The following DNAH10 variants were observed in gnomAD, a reference collection of about 807,000 sequenced individuals.
The protein encoded by DNAH10 is dynein axonemal heavy chain 10.
In DNAH10, 348 loss-of-function variants were observed where a neutral mutation model predicts 506.6. The ratio of observed to expected loss-of-function variants is 0.69; its 90% CI spans 0.63 to 0.75. The LOEUF is 0.75. Among genes scored for constraint, DNAH10 ranks in the 30% least tolerant of loss-of-function variants. The probability of loss-of-function intolerance (pLI) is 0.00; values close to 1 mark genes in which losing one functional copy is unlikely to be tolerated. For missense variants in DNAH10, 5,179 were observed against 5,787.1 expected, an observed-to-expected ratio of 0.89 and a Z score of 3.41; for synonymous variants, 2,059 against 2,198.6, an observed-to-expected ratio of 0.94 and a Z score of 1.78.
intron 2 of DNAH10, among the ~76,000 whole-genome samples, chr12:123,769,135 T>G (rs1484796533): frequency 6.6e-6 from 1 of 152,096 alleles, no homozygotes; most frequent in African/African-American, 2.4e-5. Flanking sequence ...TGAGTAAGCC[T>G]TGTTTAAAGT....
intron 41 of DNAH10, among the ~76,000 whole-genome samples, chr12:123,867,263 C>T (rs909662047): frequency 6.6e-6 from 1 of 152,176 alleles, no homozygotes; most frequent in Non-Finnish European, 1.5e-5. Context: ...CGAAATGAAA[C>T]ACTTCATGAT....
Position 123,853,856 on chromosome 12 carries a change from ACG to A in DNAH10, c.6438+508_6438+509del, listed in dbSNP as rs373166363. Among the ~76,000 whole-genome samples, 79 of 133,952 alleles carry A rather than the reference ACG, an allele frequency of 5.9e-4. No individual in the cohort carries two copies. Among genetic ancestry groups the A allele is most frequent in the African/African-American group, 1.8e-3 (68 of 37,806 alleles). 87.9% of individuals were successfully genotyped at this position (133,952 alleles called of 152,430 possible). ...CACACGCACACGCACGGACACACGC[ACG>A]CGCACACACACACGGATACATGCAC... On this transcript the variant is annotated intron_variant, in intron 36 of 78. Transcript: ENST00000673944. The surrounding 1 kb of genome is among the most constrained non-coding windows in gnomAD (Gnocchi z 4.7).
chr12:123,807,131 T>TCATC (rs1037747667), intron 18 of DNAH10, among the ~76,000 whole-genome samples: 3 of 151,882 alleles, frequency 2.0e-5, no homozygotes, highest in Admixed American at 6.6e-5. Context: ...CATCCATCCA[T>TCATC]CATCCATCCA....
At chr12:123,773,214 G>T (rs1432235707) in intron 4 of DNAH10, among the ~76,000 whole-genome samples, 3 of 152,214 alleles carry the variant, frequency 2.0e-5, no homozygotes, top group African/African-American at 7.2e-5. Context: ...TGAAATAATG[G>T]CTTCAGTGGG....
At position 123,781,304 on chromosome 12, in the gene DNAH10, G is replaced by C. The variant is rs771789266; in HGVS notation, c.841+5G>C. 1 of 1,606,490 alleles carries C rather than the reference G, an allele frequency of 6.2e-7. No individual in the cohort carries two copies. The highest frequency in any genetic ancestry group is 1.1e-5 in the South Asian group (1 of 90,226). ...GAACCATGCAGCAACTTGAAGGTAA[G>C]GTTTCATTTTCCTCCTTTTTAGTTA... is the stretch of plus-strand genomic sequence containing the variant. On this transcript the variant is annotated splice_donor_5th_base_variant and intron_variant, in intron 6 of 78. Transcript: ENST00000673944.
rs764727037 is a variant in DNAH10, at chr12:123,785,715, C to T, written c.1231-31C>T. The T allele has an allele frequency of 6.5e-7, 1 of 1,530,044 alleles. No homozygotes were observed. The highest frequency in any genetic ancestry group is 1.4e-5 in the African/African-American group (1 of 73,094). 94.8% of individuals were successfully genotyped at this position (1,530,044 alleles called of 1,614,324 possible). Reference sequence around the variant, plus strand: ...ACTATTTGGACCCCAAGGCTAAGGGCTCTTGCGTGGCTCTCTCCTCTCTTG... The same window carrying T: ...ACTATTTGGACCCCAAGGCTAAGGGTTCTTGCGTGGCTCTCTCCTCTCTTG... On this transcript the variant is annotated intron_variant, in intron 8 of 78. Transcript: ENST00000673944. This position sits in a 1 kb window ranked among gnomAD's most constrained non-coding sequence, Gnocchi z 4.1.
At chr12:123,858,395 G>A (rs1204417487) in intron 37 of DNAH10, among the ~76,000 whole-genome samples, 1 of 152,184 alleles carries the variant, frequency 6.6e-6, no homozygotes, top group Admixed American at 6.5e-5. Flanking sequence ...AGTGGGCACC[G>A]GGTACCGGCC....
intron 40 of DNAH10, 112 bp from the exon 41 acceptor site, chr12:123,865,839 T>C (rs1951782500): frequency 9.2e-7 from 1 of 1,084,614 alleles, no homozygotes; most frequent in Non-Finnish European, 1.3e-6. Flanking sequence ...TTGATTTTGG[T>C]ATTATTTGGA....
intron 5 of DNAH10, among the ~76,000 whole-genome samples, chr12:123,775,456 T>C (rs1957404675): frequency 6.6e-6 from 1 of 152,222 alleles, no homozygotes; most frequent in Non-Finnish European, 1.5e-5. Context: ...CAGGCCTTTT[T>C]CATGAATGAT....
chr12:123,813,650 C>T lies in DNAH10; in HGVS notation c.3621+10C>T, dbSNP rs755814633. ...CCATGAAGAGATGGAGGTACTCAAT[C>T]GCTGTGTGTAATTGAAACTACTTTT... On this transcript the variant is annotated intron_variant, in intron 20 of 78. Coordinates refer to ENST00000673944, the MANE Select transcript of DNAH10 (RefSeq NM_001372106.1). 59 of 1,613,270 alleles carry T rather than the reference C, an allele frequency of 3.7e-5. No individual in the cohort carries two copies. The highest frequency in any genetic ancestry group is 4.5e-5 in the Non-Finnish European group (53 of 1,179,568).
chr12:123,775,459 T>C (rs940238252), intron 5 of DNAH10, among the ~76,000 whole-genome samples: 1 of 152,192 alleles, frequency 6.6e-6, no homozygotes, highest in African/African-American at 2.4e-5. Context: ...GCCTTTTTCA[T>C]GAATGATAAG....
Position 123,857,146 on chromosome 12 carries a change from C to A in DNAH10, c.6529C>A (p.Leu2177Met). 1 of 1,611,478 alleles carries A rather than the reference C, an allele frequency of 6.2e-7. No homozygotes were observed. Among genetic ancestry groups the A allele is most frequent in the Non-Finnish European group, 8.5e-7 (1 of 1,178,890 alleles). Residue 2177 changes from leucine to methionine, a missense_variant, in exon 37 of 79, where the codon CTG (leucine) becomes ATG (methionine). Around this residue, in one of 3 missense-constraint regions of DNAH10, gnomAD observed 4,844 missense variants for 5,430.5 expected, o/e 0.89. Transcript: ENST00000673944. ...VPLFLGLISD[L>M]FPGLDCPRVR... is the part of the protein sequence containing the mutation. ...TCTTTTCCTTGGTTTGATTTCGGAT[C>A]TGTTTCCTGGGCTGGACTGCCCTCG...
Position 123,808,931 on chromosome 12 carries a change from G to C in DNAH10, c.3122G>C (p.Arg1041Pro). The C allele has an allele frequency of 1.2e-6, 2 of 1,614,132 alleles. No homozygotes were observed. The highest frequency in any genetic ancestry group is 1.7e-6 in the Non-Finnish European group (2 of 1,180,016). ...GACAAGATGTGCTTCCATTGTGTCC[G>C]GAATTGCGTGGAGATCACCAAGGTG... is the stretch of plus-strand genomic sequence containing the variant. ...EIDKMCFHCV[R>P]NCVEITKHFV... is the part of the protein sequence containing the mutation. Residue 1041 changes from arginine (R) to proline (P), a missense_variant, in exon 19 of 79, where the codon CGG becomes CCG. Arg to Pro is a moderately radical substitution (Grantham distance 103). This residue lies in a region of DNAH10 where 4,844 missense variants were observed against 5,430.5 expected (regional missense o/e 0.89). Transcript: ENST00000673944.
At chr12:123,924,007 C>A in intron 66 of DNAH10, 140 bp downstream of exon 66, 1 of 741,132 alleles carries the variant, frequency 1.3e-6, no homozygotes, top group Non-Finnish European at 2.2e-6. Flanking sequence ...TTCACTATTC[C>A]AGTTGATCAT....
At chr12:123,837,613 G>C (rs1282995492) in intron 28 of DNAH10, among the ~76,000 whole-genome samples, 1 of 147,312 alleles carries the variant, frequency 6.8e-6, no homozygotes, top group Non-Finnish European at 1.5e-5. Context: ...GTCTTGCCTT[G>C]TTGCCCAAGC....
Position 123,800,289 on chromosome 12 carries a change from T to C in DNAH10, c.2363T>C (p.Leu788Pro), listed in dbSNP as rs1282228475. 2 of 1,614,022 alleles carry C rather than the reference T, an allele frequency of 1.2e-6. No individual in the cohort carries two copies. Among genetic ancestry groups the C allele is most frequent in the Non-Finnish European group, 1.7e-6 (2 of 1,180,028 alleles). Residue 788 changes from leucine (L) to proline (P), a missense_variant, in exon 15 of 79, where the codon CTC (leucine) becomes CCC (proline). By Grantham distance (98) the Leu-to-Pro change is moderately conservative (BLOSUM62 -3). Transcript: ENST00000673944. ...AVFAINFSPALREIINETKYL... is the reference protein window; with the variant it reads ...AVFAINFSPAPREIINETKYL... The stretch of plus-strand genomic sequence containing the variant: ...TTTGCAATCAACTTTTCACCGGCTC[T>C]CAGAGAGATTATTAATGAAACAAAG...
In DNAH10 at chr12:123,867,602, G is replaced by A; in HGVS notation, c.7302+1G>A. On this transcript the variant is annotated splice_donor_variant, in intron 42 of 78. Coordinates refer to ENST00000673944, the MANE Select transcript of DNAH10 (RefSeq NM_001372106.1). LOFTEE classifies it high-confidence loss of function. ...AGTTCCTCAGACAGACCTCAATATG[G>A]TAAGAAATGATCCCTGCTGTTAGCA... The A allele has an allele frequency of 6.2e-7, 1 of 1,613,448 alleles. No homozygotes were observed. Among genetic ancestry groups the A allele is most frequent in the African/African-American group, 1.3e-5 (1 of 75,014 alleles).
intron 50 of DNAH10, among the ~76,000 whole-genome samples, chr12:123,880,761 A>C: frequency 6.7e-6 from 1 of 148,540 alleles, no homozygotes; most frequent in African/African-American, 2.5e-5. Context: ...TTAACTCGTC[A>C]TTTACATTAG....
chr12:123,918,269 AGT>A (rs1472754743), intron 64 of DNAH10, among the ~76,000 whole-genome samples: 1 of 152,228 alleles, frequency 6.6e-6, no homozygotes, highest in Non-Finnish European at 1.5e-5. Flanking sequence ...CAAAGGGGTA[AGT>A]GAGAATCTTC....
Sources: gnomAD v4.1 joint callset for allele counts (sites outside exome capture counted in the v4.1 genomes callset) on GRCh38, gnomAD v4.1.1 for gene constraint, gnomAD v4.1.1 regional missense constraint, Gnocchi (gnomAD v3.1) non-coding constraint, MANE v1.5 for transcripts, NCBI Gene and HGNC (gene_info 2026-07-23, HGNC 2026-07-21) for gene names.